Variants in RBFOX1 observed in about 807,000 individuals in gnomAD.
RBFOX1 encodes the protein RNA binding fox-1 homolog 1.
In RBFOX1, 8 loss-of-function variants were observed where a neutral mutation model predicts 57.7. That is an observed-to-expected ratio of 0.14 (90% CI 0.08 to 0.25). RBFOX1 has a LOEUF of 0.25. Ranked by LOEUF, RBFOX1 falls within the 10% of genes least tolerant of loss-of-function variation. RBFOX1 has a pLI of 1.00. For synonymous variants in RBFOX1, 326 were observed against 222.4 expected (o/e 1.47, Z -4.15); for missense variants, 611 against 548.5 (o/e 1.11, Z -1.14).
At chr16:7,639,535 T>A (rs1678453880) in intron 11 of RBFOX1, among the ~76,000 whole-genome samples, 1 of 152,188 alleles carries the variant, frequency 6.6e-6, no homozygotes, top group African/African-American at 2.4e-5. Context: ...GAAAATATGC[T>A]GTGAAGATAC....
chr16:6,600,519 C>G (rs914696828), intron 2 of RBFOX1, among the ~76,000 whole-genome samples: 4 of 152,190 alleles, frequency 2.6e-5, no homozygotes, highest in Admixed American at 2.0e-4. Context: ...CAGCTGATAA[C>G]TGCTCTGGCC....
chr16:5,473,574 G>C (rs2069212702), intron 2 of RBFOX1, among the ~76,000 whole-genome samples: 1 of 151,388 alleles, frequency 6.6e-6, no homozygotes, highest in South Asian at 2.1e-4. Flanking sequence ...AGAGTGGGTA[G>C]ATGAATGGAT....
intron 2 of RBFOX1, among the ~76,000 whole-genome samples, chr16:6,625,005 A>C (rs2098283117): frequency 6.6e-6 from 1 of 151,866 alleles, no homozygotes. Flanking sequence ...TCTCTACTAA[A>C]AATACAAAAA....
chr16:6,261,608 A>G (rs2097701840), intron 1 of RBFOX1, among the ~76,000 whole-genome samples: 1 of 152,194 alleles, frequency 6.6e-6, no homozygotes, highest in Non-Finnish European at 1.5e-5. Context: ...ATCTCTGTAA[A>G]TGTCCACATT....
intron 3 of RBFOX1, among the ~76,000 whole-genome samples, chr16:6,996,287 T>C (rs1305161763): frequency 6.6e-6 from 1 of 152,232 alleles, no homozygotes; most frequent in Non-Finnish European, 1.5e-5. Flanking sequence ...ATCTCTACTT[T>C]AGAATAACAC....
intron 1 of RBFOX1, chr16:6,093,051 C>G (rs1401655198): frequency 6.6e-6 from 1 of 152,098 alleles, no homozygotes; most frequent in Non-Finnish European, 1.5e-5. Flanking sequence ...GCACATGTAC[C>G]ACTGACCCTA....
At chr16:6,927,237 T>TGAAA (rs1211481852) in intron 3 of RBFOX1, among the ~76,000 whole-genome samples, 1 of 151,392 alleles carries the variant, frequency 6.6e-6, no homozygotes, top group Non-Finnish European at 1.5e-5. Context: ...AAGCTGCCAG[T>TGAAA]TCCCATCTCT....
intron 2 of RBFOX1, among the ~76,000 whole-genome samples, chr16:6,523,222 G>A (rs190187839): frequency 1.4e-4 from 21 of 152,142 alleles, no homozygotes; most frequent in Admixed American, 9.8e-4. Context: ...CTGATAAAGA[G>A]CAAGTACTTG....
chr16:5,279,210 C>T (rs182016052), intron 1 of RBFOX1, among the ~76,000 whole-genome samples: 4 of 152,182 alleles, frequency 2.6e-5, no homozygotes, highest in East Asian at 1.9e-4. Context: ...TTCTAACCCA[C>T]GAGCATGAGA....
At chr16:6,099,226 G>C (rs370012199) in intron 1 of RBFOX1, among the ~76,000 whole-genome samples, 105 of 152,298 alleles carry the variant, frequency 6.9e-4, no homozygotes, top group African/African-American at 2.4e-3. Flanking sequence ...AGTGTTAAGA[G>C]GGCCTGCCAT....
chr16:5,953,131 T>A (rs1392994145), intron 4 of RBFOX1, among the ~76,000 whole-genome samples: 1 of 151,724 alleles, frequency 6.6e-6, no homozygotes, highest in African/African-American at 2.4e-5. Context: ...GGGTGGGAGG[T>A]AGGGATATTT....
chr16:6,793,273 C>A (rs929717282), intron 3 of RBFOX1, among the ~76,000 whole-genome samples: 1 of 151,940 alleles, frequency 6.6e-6, no homozygotes, highest in Non-Finnish European at 1.5e-5. Context: ...AATGTGGTCC[C>A]CCTGTTAGGC....
At chr16:7,020,557 TAAATA>T (rs1249543326) in intron 3 of RBFOX1, among the ~76,000 whole-genome samples, 4 of 151,996 alleles carry the variant, frequency 2.6e-5, no homozygotes, top group South Asian at 4.1e-4. Context: ...TTATGAAAAT[TAAATA>T]AAATAAGGAA....
At chr16:6,410,402 T>C (rs1402673948) in intron 2 of RBFOX1, among the ~76,000 whole-genome samples, 1 of 149,934 alleles carries the variant, frequency 6.7e-6, no homozygotes, top group African/African-American at 2.5e-5. Context: ...AGCTCCACCT[T>C]CTGGGTTCAG....
At chr16:6,627,474 G>A (rs968351709) in intron 2 of RBFOX1, among the ~76,000 whole-genome samples, 1 of 152,108 alleles carries the variant, frequency 6.6e-6, no homozygotes, top group African/African-American at 2.4e-5. Flanking sequence ...GATTGGGTGA[G>A]GAAGAATATT....
rs1405585342 is a variant in RBFOX1, at chr16:5,886,275, C to G, written c.351+18940C>G. 3.3e-5 allele frequency among the ~76,000 whole-genome samples: 5 copies of G among 152,168 alleles called. No homozygotes were observed. In the East Asian group the frequency reaches 7.7e-4, roughly 23 times the overall value. On this transcript the variant is annotated intron_variant, in intron 4 of 19. Coordinates refer to the RBFOX1 transcript ENST00000641259. ...CAAGCAAACTAATGCCTCTGTATCC[C>G]TCTGTCCTTATCTGTAAAACAGAGA...
intron 5 of RBFOX1, among the ~76,000 whole-genome samples, chr16:7,524,228 T>C (rs892803399): frequency 3.3e-5 from 5 of 152,208 alleles, no homozygotes; most frequent in African/African-American, 4.8e-5. Context: ...TATATGCACA[T>C]GATTTAACAC....
At chr16:6,067,111 A>G (rs1022087128) in intron 1 of RBFOX1, among the ~76,000 whole-genome samples, 2 of 152,150 alleles carry the variant, frequency 1.3e-5, no homozygotes, top group East Asian at 1.9e-4. Flanking sequence ...CCCTCATGTT[A>G]TAAGATTGAG....
chr16:6,288,918 G>C (rs543038654), intron 1 of RBFOX1, among the ~76,000 whole-genome samples: 24 of 152,126 alleles, frequency 1.6e-4, no homozygotes, highest in African/African-American at 2.7e-4. Context: ...TCAAGGCAAT[G>C]CTTCTCATTG....
Sources: gnomAD v4.1 joint callset for allele counts (sites outside exome capture counted in the v4.1 genomes callset) on GRCh38, gnomAD v4.1.1 for gene constraint, MANE v1.5 for transcripts, NCBI Gene and HGNC (gene_info 2026-07-23, HGNC 2026-07-21) for gene names.